LRP1B: variants seen among roughly 807,000 people sequenced by gnomAD.
The protein encoded by LRP1B is LDL receptor related protein 1B.
LRP1B carries 217 observed loss-of-function variants against 556.6 expected under a neutral mutation model. The observed-to-expected ratio is 0.39, with a 90% CI of 0.35 to 0.44. The LOEUF is 0.44. LRP1B is among the 20% of genes least tolerant of loss of function. The pLI, the probability that LRP1B is intolerant of heterozygous loss-of-function variation, is 1.00. For missense variants in LRP1B, 5,053 were observed against 5,620.8 expected (o/e 0.90, Z 3.23); for synonymous variants, 2,047 against 1,865.8 (o/e 1.10, Z -2.50).
chr2:141,060,955 A>G (rs1699317572), intron 8 of LRP1B, among the ~76,000 whole-genome samples: 1 of 151,970 alleles, frequency 6.6e-6, no homozygotes, highest in African/African-American at 2.4e-5. Context: ...CAGGCTTTCA[A>G]AACTTTTTAA....
At chr2:140,656,104 C>A (rs1467676095) in intron 41 of LRP1B, among the ~76,000 whole-genome samples, 2 of 152,126 alleles carry the variant, frequency 1.3e-5, no homozygotes, top group African/African-American at 4.8e-5. Flanking sequence ...TGTCAGACCA[C>A]AAATAGAGAA....
chr2:140,966,405 T>C lies in LRP1B; in HGVS notation c.2888-14465A>G, dbSNP rs181055202. ...CCCACTTTTTGATAGGGTTGTTTTT[T>C]TCTTGTAAATTTGTTTGAGTTCTTT... On this transcript the variant is annotated intron_variant, in intron 18 of 90. Transcript: ENST00000389484. Among the ~76,000 whole-genome samples the C allele has an allele frequency of 5.3e-3, 800 of 152,330 alleles. 5 individuals are homozygous for C. Among genetic ancestry groups the C allele is most frequent in the Admixed American group, 8.6e-3 (131 of 15,304 alleles).
intron 7 of LRP1B, among the ~76,000 whole-genome samples, chr2:141,069,142 A>G (rs1699564268): frequency 6.6e-6 from 1 of 152,138 alleles, no homozygotes; most frequent in African/African-American, 2.4e-5. Flanking sequence ...AACTCTGGCA[A>G]GTACAAATGC....
In LRP1B at chr2:141,040,892, G is replaced by A. The variant is rs115331373; in HGVS notation, c.1789+8094C>T. On this transcript the variant is annotated intron_variant, in intron 11 of 90. Transcript: ENST00000389484. ...TGTGAACAGATTAAACACATCTTTC[G>A]GAGAATATATTTGACAGAAAGAGAC... Among the ~76,000 whole-genome samples the A allele has an allele frequency of 2.7e-3, 418 of 152,076 alleles. 1 individual carries two copies. Among genetic ancestry groups the A allele is most frequent in the African/African-American group, 9.6e-3 (400 of 41,512 alleles).
chr2:141,679,312 G>A (rs1018194371), intron 2 of LRP1B, among the ~76,000 whole-genome samples: 1 of 152,222 alleles, frequency 6.6e-6, no homozygotes, highest in African/African-American at 2.4e-5. Flanking sequence ...GCCTGGAATC[G>A]TAATCCACAG....
At chr2:140,639,911 G>C (rs1472351222) in intron 41 of LRP1B, among the ~76,000 whole-genome samples, 2 of 152,102 alleles carry the variant, frequency 1.3e-5, no homozygotes, top group African/African-American at 2.4e-5. Context: ...CTACCTCAGA[G>C]TCTCTGTACT....
At chr2:140,414,328 C>T (rs544716850) in intron 66 of LRP1B, among the ~76,000 whole-genome samples, 1 of 152,164 alleles carries the variant, frequency 6.6e-6, no homozygotes, top group East Asian at 1.9e-4. Flanking sequence ...TTTCAGCTTC[C>T]TGTAATTTCT....
At chr2:141,661,548 A>G (rs1690222072) in intron 2 of LRP1B, among the ~76,000 whole-genome samples, 1 of 152,236 alleles carries the variant, frequency 6.6e-6, no homozygotes, top group South Asian at 2.1e-4. Context: ...AAGTATCAAG[A>G]GCTGAAAAGA....
chr2:140,741,854 T>G (rs1368081857), intron 35 of LRP1B, among the ~76,000 whole-genome samples: 1 of 152,294 alleles, frequency 6.6e-6, no homozygotes, highest in South Asian at 2.1e-4. Flanking sequence ...AGTGAGAACA[T>G]GCACTATTTG....
chr2:141,690,889 C>T (rs1691503681), intron 2 of LRP1B, among the ~76,000 whole-genome samples: 1 of 151,742 alleles, frequency 6.6e-6, no homozygotes, highest in South Asian at 2.1e-4. Flanking sequence ...AGTCTCCCCT[C>T]TATTACAGTG....
intron 1 of LRP1B, among the ~76,000 whole-genome samples, chr2:141,925,486 A>G (rs546049443): frequency 5.3e-5 from 8 of 152,348 alleles, no homozygotes; most frequent in African/African-American, 1.9e-4. Flanking sequence ...AAGCTAAAGG[A>G]GAGGAATTCA....
intron 2 of LRP1B, among the ~76,000 whole-genome samples, chr2:141,536,825 G>A (rs1685084647): frequency 6.6e-6 from 1 of 151,964 alleles, no homozygotes; most frequent in Non-Finnish European, 1.5e-5. Context: ...AGTAAATTAT[G>A]AGTCTGATAT....
At chr2:140,482,322 T>C (rs1452392938) in intron 59 of LRP1B, among the ~76,000 whole-genome samples, 2 of 152,196 alleles carry the variant, frequency 1.3e-5, no homozygotes, top group Non-Finnish European at 2.9e-5. Flanking sequence ...TTCACTTTAA[T>C]GTTTATCATA....
chr2:141,791,281 A>C (rs956960230), intron 2 of LRP1B, among the ~76,000 whole-genome samples: 1 of 152,002 alleles, frequency 6.6e-6, no homozygotes, highest in Non-Finnish European at 1.5e-5. Context: ...ATAGATGAGT[A>C]CAGTATTTGT....
Position 141,110,316 on chromosome 2 carries a change from C to CAA in LRP1B, c.1014-48045_1014-48044dup, listed in dbSNP as rs5834806. ...TCACAAAAATAGATTTATATTAAGC[C>CAA]AAAAAAATGCATAATATATTATCAC... is the stretch of plus-strand genomic sequence containing the variant. On this transcript the variant is annotated intron_variant, in intron 7 of 90. Coordinates refer to ENST00000389484, the MANE Select transcript of LRP1B (RefSeq NM_018557.3). Among the ~76,000 whole-genome samples, 1,110 of 151,752 alleles carry CAA rather than the reference C, an allele frequency of 7.3e-3. 12 individuals carry two copies. Among genetic ancestry groups the CAA allele is most frequent in the African/African-American group, 0.025 (1,051 of 41,346 alleles).
At chr2:141,335,508 TTCA>T (rs1414538163) in intron 3 of LRP1B, among the ~76,000 whole-genome samples, 2 of 152,198 alleles carry the variant, frequency 1.3e-5, no homozygotes, top group Non-Finnish European at 1.5e-5. Flanking sequence ...GAATTTATCA[TTCA>T]AGAACTGGAG....
intron 41 of LRP1B, among the ~76,000 whole-genome samples, chr2:140,626,581 T>C (rs1350423685): frequency 6.6e-6 from 1 of 151,884 alleles, no homozygotes; most frequent in Non-Finnish European, 1.5e-5. Flanking sequence ...AACAATGTAG[T>C]GGAAGATATT....
chr2:141,999,822 T>C (rs994251932), intron 1 of LRP1B, among the ~76,000 whole-genome samples: 19 of 151,910 alleles, frequency 1.3e-4, no homozygotes, highest in Non-Finnish European at 2.6e-4. Context: ...AATATTTGTT[T>C]ATTTTCTAAT....
intron 2 of LRP1B, among the ~76,000 whole-genome samples, chr2:141,637,600 G>A (rs1162631320): frequency 4.6e-5 from 7 of 152,148 alleles, no homozygotes; most frequent in African/African-American, 1.7e-4. Flanking sequence ...ATCTTCTCCT[G>A]GTTTGCACTG....
Sources: allele counts gnomAD v4.1 joint callset (sites outside exome capture counted in the v4.1 genomes callset), GRCh38; gene constraint gnomAD v4.1.1; transcripts MANE v1.5; gene names NCBI Gene and HGNC (gene_info 2026-07-23, HGNC 2026-07-21).